Variants in MINPP1 observed in about 807,000 individuals in gnomAD.
MINPP1 encodes multiple inositol-polyphosphate phosphatase 1.
A neutral mutation model predicts 46.1 loss-of-function variants in MINPP1; 28 were observed. The observed-to-expected ratio is 0.61, with a 90% CI of 0.45 to 0.83. The LOEUF is 0.83. Among genes scored for constraint, MINPP1 ranks in the 40% least tolerant of loss-of-function variants. The pLI is 0.00. For missense variants in MINPP1, 603 were observed against 610.0 expected (o/e 0.99, Z 0.12); for synonymous variants, 268 against 249.1 (o/e 1.08, Z -0.72).
chr10:87,531,861 A>C (rs1310688364), intron 4 of MINPP1, among the ~76,000 whole-genome samples: 1 of 152,258 alleles, frequency 6.6e-6, no homozygotes, highest in Non-Finnish European at 1.5e-5. Flanking sequence ...ATATGAAAAT[A>C]TTTCAAAATC....
At position 87,505,313 on chromosome 10, in the gene MINPP1, A is replaced by C; in HGVS notation, c.398A>C (p.Asp133Ala). ...GSRDLGAALA[D>A]WPLWYADWMD... ...CGCGACCTGGGTGCAGCGCTGGCCG[A>C]CTGGCCTTTGTGGTACGCGGACTGG... Residue 133 changes from aspartate (D) to alanine (A), a missense_variant, in exon 1 of 5, where the codon GAC becomes GCC. Physicochemically the swap from Asp to Ala is moderately radical, Grantham distance 126. Around this residue, in one of 3 missense-constraint regions of MINPP1, gnomAD observed 239 missense variants for 189.4 expected, o/e 1.26. Coordinates refer to ENST00000371996, the MANE Select transcript of MINPP1 (RefSeq NM_004897.5). This position sits in a 1 kb window ranked among gnomAD's most constrained non-coding sequence, Gnocchi z 4.4. The C allele has an allele frequency of 6.2e-7, 1 of 1,612,256 alleles. No homozygotes were observed. The highest frequency in any genetic ancestry group is 8.5e-7 in the Non-Finnish European group (1 of 1,178,600).
At chr10:87,530,699 G>A (rs529144900) in intron 4 of MINPP1, among the ~76,000 whole-genome samples, 9 of 152,284 alleles carry the variant, frequency 5.9e-5, no homozygotes, top group African/African-American at 1.4e-4. Context: ...CTCAGACTCC[G>A]TGCTGGGAGA....
At chr10:87,516,234 T>C (rs1472535073) in intron 3 of MINPP1, among the ~76,000 whole-genome samples, 1 of 104,408 alleles carries the variant, frequency 9.6e-6, no homozygotes, top group Non-Finnish European at 2.5e-5. Flanking sequence ...TGAGTTTCCG[T>C]TCTGTGACAA....
intron 4 of MINPP1, among the ~76,000 whole-genome samples, chr10:87,534,193 C>T (rs904998214): frequency 6.6e-6 from 1 of 151,920 alleles, no homozygotes; most frequent in East Asian, 1.9e-4. Flanking sequence ...GCTGGGATTA[C>T]AGGCACCTGC....
At chr10:87,531,065 G>A (rs1242645202) in intron 4 of MINPP1, among the ~76,000 whole-genome samples, 1 of 152,188 alleles carries the variant, frequency 6.6e-6, no homozygotes, top group Admixed American at 6.5e-5. Flanking sequence ...TGCAGTATTA[G>A]GATGGGAGTG....
chr10:87,526,634 G>T (rs962609465), intron 4 of MINPP1, among the ~76,000 whole-genome samples: 11 of 152,166 alleles, frequency 7.2e-5, no homozygotes, highest in Admixed American at 2.0e-4. Context: ...CCTATGTCCT[G>T]AATAGTACTG....
chr10:87,519,153 A>C (rs1851457643), intron 3 of MINPP1, among the ~76,000 whole-genome samples: 1 of 152,244 alleles, frequency 6.6e-6, no homozygotes. Flanking sequence ...TATGGGAGTT[A>C]CAAACCAGGA....
intron 4 of MINPP1, among the ~76,000 whole-genome samples, chr10:87,530,516 T>G (rs781711096): frequency 1.3e-4 from 15 of 117,932 alleles, no homozygotes; most frequent in Admixed American, 2.5e-4. Context: ...CAGCGGAGGC[T>G]GCAGAACAGC....
chr10:87,507,313 A>G (rs955504601), intron 1 of MINPP1, among the ~76,000 whole-genome samples: 1 of 152,244 alleles, frequency 6.6e-6, no homozygotes, highest in Admixed American at 6.5e-5. Flanking sequence ...AAGACTAGCA[A>G]TAATTAGATA....
chr10:87,522,636 A>G (rs574614091), intron 4 of MINPP1, among the ~76,000 whole-genome samples: 4 of 152,330 alleles, frequency 2.6e-5, no homozygotes, highest in South Asian at 2.1e-4. Context: ...GCCCATGATC[A>G]TCTGAGCCTT....
chr10:87,519,246 A>T (rs1564674844), intron 3 of MINPP1, among the ~76,000 whole-genome samples: 1 of 152,226 alleles, frequency 6.6e-6, no homozygotes, highest in Non-Finnish European at 1.5e-5. Context: ...TTACATCAAA[A>T]GAATATATAC....
intron 3 of MINPP1, among the ~76,000 whole-genome samples, chr10:87,514,547 G>A (rs969469255): frequency 6.6e-6 from 1 of 152,084 alleles, no homozygotes; most frequent in Non-Finnish European, 1.5e-5. Flanking sequence ...TTGGCGTTTT[G>A]GAAGAGTCTA....
At chr10:87,551,280 G>A (rs1589388594) in intron 4 of MINPP1, among the ~76,000 whole-genome samples, 1 of 151,886 alleles carries the variant, frequency 6.6e-6, no homozygotes, top group Non-Finnish European at 1.5e-5. Flanking sequence ...AACCTGATGA[G>A]TGGTGGCAAA....
rs1440011673 is a variant in MINPP1, at chr10:87,552,559, T to C, written c.*81T>C. 1.5e-6 allele frequency: 2 copies of C among 1,378,670 alleles called. No individual in the cohort carries two copies. Among genetic ancestry groups the C allele is most frequent in the African/African-American group, 2.8e-5 (2 of 70,226 alleles). The allele number at this position is 1,378,670 out of a possible 1,614,324, so 85.4% of individuals were successfully genotyped here. ...TGTAATAGGTAGGCAATTCCTTGAT[T>C]ACAGGAAGCTTTTATATTACTTGAG... On this transcript the variant is annotated 3_prime_UTR_variant, in exon 5 of 5. Transcript: ENST00000371996.
intron 4 of MINPP1, among the ~76,000 whole-genome samples, chr10:87,543,922 G>A (rs1254575543): frequency 6.6e-6 from 1 of 152,182 alleles, no homozygotes; most frequent in African/African-American, 2.4e-5. Flanking sequence ...AGATTTGGAG[G>A]AGACAAACAT....
chr10:87,514,026 C>T lies in MINPP1; in HGVS notation c.933+805C>T, dbSNP rs180678890. On this transcript the variant is annotated intron_variant, in intron 3 of 4. Coordinates refer to ENST00000371996, the MANE Select transcript of MINPP1 (RefSeq NM_004897.5). ...CTAACTGTCCTTCCTGCCTGCCTCT[C>T]GTAAGGATACTTGTTGATTACACTG... Among the ~76,000 whole-genome samples the T allele has an allele frequency of 7.2e-5, 11 of 152,238 alleles. No individual in the cohort carries two copies. The East Asian group carries it at 1.7e-3, about 24-fold the overall frequency.
In MINPP1 at chr10:87,505,804, C is replaced by T. The variant is rs1171221812; in HGVS notation, c.637+252C>T. ...TTCAGCACCTTGTACTCGCTGCCTG[C>T]TTTAGTAGAGTTGGGGATCCAACAG... On this transcript the variant is annotated intron_variant, in intron 1 of 4. Coordinates refer to ENST00000371996, the MANE Select transcript of MINPP1 (RefSeq NM_004897.5). This position sits in a 1 kb window ranked among gnomAD's most constrained non-coding sequence, Gnocchi z 4.4. Among the ~76,000 whole-genome samples, 2 of 152,158 alleles carry T rather than the reference C, an allele frequency of 1.3e-5. No individual in the cohort carries two copies. Among genetic ancestry groups the T allele is most frequent in the Non-Finnish European group, 2.9e-5 (2 of 68,026 alleles).
chr10:87,513,053 TAC>T, intron 2 of MINPP1, 69 bp from the exon 3 acceptor site: 1 of 1,044,868 alleles, frequency 9.6e-7, no homozygotes, highest in Middle Eastern at 2.0e-4. Flanking sequence ...CATGGCATTC[TAC>T]AGATATTTAG....
chr10:87,552,470 G>T lies in MINPP1; in HGVS notation c.1456G>T (p.Glu486Ter). Residue 486 changes from glutamate (E) to a stop codon, truncating the protein, a stop_gained, in exon 5 of 5, where the codon GAA (glutamate) becomes TAA (stop). Transcript: ENST00000371996. LOFTEE classifies it high-confidence loss of function. ...AGCAAGGGCTAACAGTACATCTGAT[G>T]AACTATGAGTAACTGAAGAACATTT... ...ELARANSTSD[E>*]L The T allele has an allele frequency of 6.2e-7, 1 of 1,612,338 alleles. No homozygotes were observed. Among genetic ancestry groups the T allele is most frequent in the South Asian group, 1.1e-5 (1 of 91,006 alleles).
Sources: allele counts gnomAD v4.1 joint callset (sites outside exome capture counted in the v4.1 genomes callset), GRCh38; gene constraint gnomAD v4.1.1; regional missense constraint gnomAD v4.1.1; non-coding constraint Gnocchi (gnomAD v3.1); transcripts MANE v1.5; gene names NCBI Gene and HGNC (gene_info 2026-07-23, HGNC 2026-07-21).